The following SCN8A variants were observed in gnomAD, a reference collection of about 807,000 sequenced individuals.
SCN8A encodes the protein sodium channel protein type 8 subunit alpha.
SCN8A carries 30 observed loss-of-function variants against 184.1 expected under a neutral mutation model. The ratio of observed to expected loss-of-function variants is 0.16; its 90% CI spans 0.12 to 0.22. The LOEUF (loss-of-function observed/expected upper bound fraction) is 0.22, where lower values mean the gene tolerates loss of function less well. Ranked by LOEUF, SCN8A falls within the 10% of genes least tolerant of loss-of-function variation. The pLI is 1.00. For synonymous variants in SCN8A, 852 were observed against 907.0 expected (o/e 0.94, Z 1.09); for missense variants, 1,057 against 2,498.9 (o/e 0.42, Z 12.30).
In SCN8A at chr12:51,770,529, G is replaced by A; in HGVS notation, c.3491G>A (p.Gly1164Asp). 1.3e-6 allele frequency: 2 copies of A among 1,599,182 alleles called. No individual in the cohort carries two copies. Among genetic ancestry groups the A allele is most frequent in the East Asian group, 2.2e-5 (1 of 44,508 alleles). ...GACCCGCCTCTCCCGCTGGTGCCAGGTTGTGTCCAGCGGTTCAAGTGCTGC... is the reference window on the plus strand; with the variant it reads ...GACCCGCCTCTCCCGCTGGTGCCAGATTGTGTCCAGCGGTTCAAGTGCTGC... Reference protein sequence around the residue: ...YLDPDACFTEGCVQRFKCCQV... With the variant: ...YLDPDACFTEDCVQRFKCCQV... Residue 1164 changes from glycine (G) to aspartate (D), a missense_variant and splice_region_variant, in exon 19 of 27, where the codon GGT becomes GAT. Around this residue, in one of 19 missense-constraint regions of SCN8A, gnomAD observed 178 missense variants for 259.6 expected, o/e 0.69. Coordinates refer to ENST00000627620, the MANE Select transcript of SCN8A (RefSeq NM_001330260.2).
intron 1 of SCN8A, among the ~76,000 whole-genome samples, chr12:51,614,690 C>T (rs575335628): frequency 2.0e-4 from 31 of 152,070 alleles, no homozygotes; most frequent in African/African-American, 6.5e-4. Context: ...ATCCAGGATC[C>T]GGTCCAGGAT....
At chr12:51,610,410 G>A (rs956809786) in intron 1 of SCN8A, among the ~76,000 whole-genome samples, 3 of 152,180 alleles carry the variant, frequency 2.0e-5, no homozygotes, top group Middle Eastern at 3.4e-3. Flanking sequence ...TGCATTCATC[G>A]TGCATTTGTT....
chr12:51,786,935 CA>C, intron 22 of SCN8A, 109 bp downstream of exon 22: 1 of 1,074,228 alleles, frequency 9.3e-7, no homozygotes, highest in Non-Finnish European at 1.3e-6. Flanking sequence ...GGATTATTCT[CA>C]ATAAGTCCAA....
intron 1 of SCN8A, among the ~76,000 whole-genome samples, chr12:51,648,906 A>G (rs1940648960): frequency 6.6e-6 from 1 of 152,288 alleles, no homozygotes; most frequent in South Asian, 2.1e-4. Context: ...TTAACCCAGA[A>G]GTCCACAGTC....
chr12:51,798,432 A>G (rs1173294970), intron 26 of SCN8A, among the ~76,000 whole-genome samples: 1 of 152,204 alleles, frequency 6.6e-6, no homozygotes, highest in Non-Finnish European at 1.5e-5. Flanking sequence ...CCTTTCCATG[A>G]TGGAAGAGGT....
Position 51,807,245 on chromosome 12 carries a change from C to T in SCN8A, c.5759C>T (p.Thr1920Ile). The T allele has an allele frequency of 6.2e-7, 1 of 1,613,934 alleles. No homozygotes were observed. The highest frequency in any genetic ancestry group is 8.5e-7 in the Non-Finnish European group (1 of 1,179,890). ...AGGCGGGGCTTCATCTGCAAAAAGA[C>T]AACTTCTAATAAGCTGGAGAATGGA... ...LARRGFICKKTTSNKLENGGT... is the reference protein window; with the variant it reads ...LARRGFICKKITSNKLENGGT... Residue 1920 changes from threonine to isoleucine, a missense_variant, in exon 27 of 27, where the codon ACA becomes ATA. Around this residue, in one of 19 missense-constraint regions of SCN8A, gnomAD observed 95 missense variants for 140.2 expected, o/e 0.68. Transcript: ENST00000627620. The surrounding 1 kb of genome is among the most constrained non-coding windows in gnomAD (Gnocchi z 4.5).
intron 9 of SCN8A, among the ~76,000 whole-genome samples, chr12:51,704,148 G>T (rs1941739028): frequency 1.3e-5 from 2 of 151,510 alleles, no homozygotes; most frequent in Non-Finnish European, 2.9e-5. Context: ...CACCTGTCTT[G>T]GCCTCCCAAA....
chr12:51,698,739 A>G (rs1016810461), intron 6 of SCN8A, among the ~76,000 whole-genome samples: 1 of 152,260 alleles, frequency 6.6e-6, no homozygotes, highest in African/African-American at 2.4e-5. Context: ...TGTAGAAAGC[A>G]GGGAATGTAT....
intron 26 of SCN8A, among the ~76,000 whole-genome samples, chr12:51,804,731 C>T (rs1350676808): frequency 6.6e-6 from 1 of 152,184 alleles, no homozygotes; most frequent in Admixed American, 6.5e-5. Flanking sequence ...CCACTTCAGC[C>T]TCCCAAAGTG....
At chr12:51,777,486 G>A (rs1360466525) in intron 20 of SCN8A, among the ~76,000 whole-genome samples, 2 of 151,932 alleles carry the variant, frequency 1.3e-5, no homozygotes, top group African/African-American at 4.8e-5. Context: ...GTTTGTTTTA[G>A]GTTTGATTCT....
At chr12:51,726,548 A>G (rs563880520) in intron 12 of SCN8A, among the ~76,000 whole-genome samples, 6 of 152,310 alleles carry the variant, frequency 3.9e-5, no homozygotes, top group Admixed American at 3.9e-4. Flanking sequence ...CTGAAGCCCA[A>G]GTTCTGTATT....
intron 1 of SCN8A, among the ~76,000 whole-genome samples, chr12:51,641,369 C>T (rs1389700326): frequency 6.6e-6 from 1 of 152,178 alleles, no homozygotes; most frequent in Non-Finnish European, 1.5e-5. Context: ...ATATTCTTAT[C>T]TTACTACCAC....
intron 13 of SCN8A, among the ~76,000 whole-genome samples, chr12:51,746,661 T>C (rs1435281949): frequency 6.6e-6 from 1 of 152,134 alleles, no homozygotes; most frequent in East Asian, 1.9e-4. Flanking sequence ...TGCAGTAATG[T>C]TGCTGTCAGT....
At chr12:51,736,826 T>A (rs1040951225) in intron 12 of SCN8A, among the ~76,000 whole-genome samples, 2 of 152,240 alleles carry the variant, frequency 1.3e-5, no homozygotes. Context: ...TTAATAGGCA[T>A]TTCAAAAGCA....
intron 9 of SCN8A, among the ~76,000 whole-genome samples, chr12:51,703,417 T>A (rs1941726015): frequency 6.6e-6 from 1 of 152,224 alleles, no homozygotes; most frequent in Non-Finnish European, 1.5e-5. Context: ...GTGCTGGAAT[T>A]ACAGGCGTGA....
At chr12:51,696,300 A>G (rs181223303) in intron 6 of SCN8A, among the ~76,000 whole-genome samples, 4 of 152,350 alleles carry the variant, frequency 2.6e-5, no homozygotes, top group East Asian at 1.9e-4. Flanking sequence ...AAATCAGTCT[A>G]TGACTTTGAA....
rs1031223848 is a variant in SCN8A, at chr12:51,711,868, A to G, written c.1635+5153A>G. Reference sequence around the variant, plus strand: ...ATCTATTCTCTCCACGTCAGTACCCATTCATATAGTGGTTTGGAAATGGGG... The same window carrying G: ...ATCTATTCTCTCCACGTCAGTACCCGTTCATATAGTGGTTTGGAAATGGGG... On this transcript the variant is annotated intron_variant, in intron 11 of 26. Transcript: ENST00000627620. Among the ~76,000 whole-genome samples, 97 of 152,162 alleles carry G rather than the reference A, an allele frequency of 6.4e-4. 1 individual carries two copies. Among genetic ancestry groups the G allele is most frequent in the African/African-American group, 2.2e-3 (90 of 41,446 alleles).
intron 11 of SCN8A, among the ~76,000 whole-genome samples, chr12:51,717,637 C>T (rs1941987677): frequency 6.6e-6 from 1 of 152,174 alleles, no homozygotes; most frequent in Non-Finnish European, 1.5e-5. Flanking sequence ...GAAGGACGTG[C>T]AAGGGCTTCC....
intron 19 of SCN8A, among the ~76,000 whole-genome samples, chr12:51,773,557 T>C (rs144227082): frequency 7.2e-5 from 11 of 152,324 alleles, no homozygotes; most frequent in Non-Finnish European, 1.5e-4. Flanking sequence ...ATGCTTCTGG[T>C]AGGAATGTGA....
Sources: allele counts gnomAD v4.1 joint callset (sites outside exome capture counted in the v4.1 genomes callset), GRCh38; gene constraint gnomAD v4.1.1; regional missense constraint gnomAD v4.1.1; non-coding constraint Gnocchi (gnomAD v3.1); transcripts MANE v1.5; gene names NCBI Gene and HGNC (gene_info 2026-07-23, HGNC 2026-07-21).